Variants in EML6 observed in about 807,000 individuals in gnomAD.
EML6 encodes the protein EMAP like 6.
Under a neutral mutation model 240.1 loss-of-function variants are expected in EML6, and 154 were observed. The ratio of observed to expected loss-of-function variants is 0.64; its 90% confidence interval spans 0.56 to 0.73. The LOEUF (loss-of-function observed/expected upper bound fraction) is 0.73, where lower values mean the gene tolerates loss of function less well. Among genes scored for constraint, EML6 ranks in the 30% least tolerant of loss-of-function variants. The pLI is 0.00. For missense variants in EML6, 2,964 were observed against 2,474.6 expected, an observed-to-expected ratio of 1.20 and a Z score of -4.20; for synonymous variants, 1,148 against 899.0, an observed-to-expected ratio of 1.28 and a Z score of -4.95.
chr2:54,883,588 A>G (rs1283396239), intron 17 of EML6, among the ~76,000 whole-genome samples: 4 of 152,212 alleles, frequency 2.6e-5, no homozygotes, highest in African/African-American at 7.2e-5. Flanking sequence ...ATATGGCCCT[A>G]TGCGGTGAAT....
At chr2:54,881,462 C>T (rs1489296503) in intron 17 of EML6, 3 of 151,918 alleles carry the variant, frequency 2.0e-5, no homozygotes, top group African/African-American at 7.3e-5. Flanking sequence ...CGAGACCAGC[C>T]TGGCCAACAT....
At chr2:54,872,341 A>G (rs1027414517) in intron 16 of EML6, among the ~76,000 whole-genome samples, 1 of 152,232 alleles carries the variant, frequency 6.6e-6, no homozygotes, top group Non-Finnish European at 1.5e-5. Context: ...TGCTGATTTT[A>G]TAATTTTTTT....
intron 7 of EML6, among the ~76,000 whole-genome samples, chr2:54,842,898 T>G (rs1484282978): frequency 6.6e-6 from 1 of 152,210 alleles, no homozygotes; most frequent in African/African-American, 2.4e-5. Context: ...AAGAATAGTA[T>G]TTTCACTGAT....
At chr2:54,968,365 TGGGAGACACAGA>T in intron 40 of EML6, 84 bp downstream of exon 40, 1 of 1,283,496 alleles carries the variant, frequency 7.8e-7, no homozygotes, top group Non-Finnish European at 1.1e-6. Context: ...GATGGCCCTC[TGGGAGACACAGA>T]GAAACCCTGT....
chr2:54,834,438 G>C (rs73935670), intron 7 of EML6, among the ~76,000 whole-genome samples: 3 of 152,084 alleles, frequency 2.0e-5, no homozygotes, highest in African/African-American at 7.3e-5. Context: ...GGTTATAAAT[G>C]ATTCTGTCTA....
chr2:54,835,002 C>T (rs554528215), intron 7 of EML6, among the ~76,000 whole-genome samples: 17 of 152,326 alleles, frequency 1.1e-4, no homozygotes, highest in African/African-American at 3.8e-4. Flanking sequence ...GCAGCCACCA[C>T]CCTCCGCATT....
chr2:54,758,112 G>T, intron 2 of EML6, among the ~76,000 whole-genome samples: 2 of 138,728 alleles, frequency 1.4e-5, no homozygotes, highest in Admixed American at 7.0e-5. Flanking sequence ...TTCTGTTCTC[G>T]TATGCATTAT....
At chr2:54,731,163 C>G (rs1430035272) in intron 2 of EML6, among the ~76,000 whole-genome samples, 1 of 152,166 alleles carries the variant, frequency 6.6e-6, no homozygotes, top group Non-Finnish European at 1.5e-5. Flanking sequence ...TGGGAAGAAA[C>G]TTAATGTGCC....
intron 28 of EML6, among the ~76,000 whole-genome samples, chr2:54,942,084 C>T (rs1401794190): frequency 6.6e-6 from 1 of 152,146 alleles, no homozygotes; most frequent in African/African-American, 2.4e-5. Flanking sequence ...ATTCAAACCC[C>T]TTGATTTTCT....
intron 26 of EML6, 136 bp downstream of exon 26, chr2:54,917,071 C>T (rs550989911): frequency 1.1e-5 from 7 of 637,982 alleles, no homozygotes; most frequent in African/African-American, 9.1e-5. Flanking sequence ...TGTATAAAAA[C>T]CTCCCTGACA....
intron 34 of EML6, among the ~76,000 whole-genome samples, chr2:54,959,516 C>G (rs1018465214): frequency 6.6e-6 from 1 of 152,134 alleles, no homozygotes; most frequent in East Asian, 1.9e-4. Flanking sequence ...AATCTCAGCA[C>G]TTTGGGAGGC....
Position 54,829,343 on chromosome 2 carries a change from C to G in EML6, c.713C>G (p.Ala238Gly). The change falls in exon 7 of 42, where the codon GCT (alanine) becomes GGT (glycine). Residue 238 changes from alanine to glycine, a missense_variant and splice_region_variant. By Grantham distance (60) the Ala-to-Gly change is moderately conservative. Transcript: ENST00000356458. ...AGTATTACCTGTTTTAATCAACAGG[C>G]TGGAATCTTTAGCATGTATGCTTGT... ...LVRTIQGAHSAGIFSMYACEE... is the reference protein window; with the variant it reads ...LVRTIQGAHSGGIFSMYACEE... The G allele has an allele frequency of 1.9e-6, 3 of 1,551,308 alleles. No individual in the cohort carries two copies. Among genetic ancestry groups the G allele is most frequent in the Non-Finnish European group, 2.6e-6 (3 of 1,146,742 alleles).
At chr2:54,766,708 A>G (rs1464623509) in intron 2 of EML6, among the ~76,000 whole-genome samples, 3 of 152,160 alleles carry the variant, frequency 2.0e-5, no homozygotes, top group African/African-American at 7.2e-5. Flanking sequence ...ACTTTCACAC[A>G]GGAGTTTTAG....
chr2:54,903,255 G>T (rs1673154764), intron 23 of EML6, 59 bp downstream of exon 23: 1 of 1,526,446 alleles, frequency 6.6e-7, no homozygotes, highest in Non-Finnish European at 8.9e-7. Flanking sequence ...AAAATTACAA[G>T]AATGAACTAT....
At chr2:54,878,543 T>A (rs909961528) in intron 16 of EML6, among the ~76,000 whole-genome samples, 2 of 152,230 alleles carry the variant, frequency 1.3e-5, no homozygotes, top group Admixed American at 6.5e-5. Context: ...TTAAGTGTTT[T>A]TATTTGAAAT....
chr2:54,777,546 T>C (rs1465403151), intron 2 of EML6, among the ~76,000 whole-genome samples: 1 of 152,222 alleles, frequency 6.6e-6, no homozygotes, highest in Non-Finnish European at 1.5e-5. Context: ...ATGATCTTGC[T>C]TTGGAAAGGG....
At chr2:54,879,513 A>G in intron 16 of EML6, 34 bp from the exon 17 acceptor site, 1 of 1,430,252 alleles carries the variant, frequency 7.0e-7, no homozygotes, top group Admixed American at 2.0e-5. Flanking sequence ...TTTTTCATGG[A>G]AGAAATTTTG....
chr2:54,811,547 T>G (rs1201027923), intron 2 of EML6, among the ~76,000 whole-genome samples: 3 of 152,156 alleles, frequency 2.0e-5, no homozygotes, highest in African/African-American at 7.2e-5. Flanking sequence ...CATGTCTCTT[T>G]CCTCTGAAAG....
chr2:54,942,293 T>G (rs1178792743), intron 28 of EML6, among the ~76,000 whole-genome samples: 1 of 152,202 alleles, frequency 6.6e-6, no homozygotes, highest in African/African-American at 2.4e-5. Flanking sequence ...AATCATCAAA[T>G]CAAACCTACT....
Sources: gnomAD v4.1 joint callset for allele counts (sites outside exome capture counted in the v4.1 genomes callset) on GRCh38, gnomAD v4.1.1 for gene constraint, MANE v1.5 for transcripts, NCBI Gene and HGNC (gene_info 2026-07-23, HGNC 2026-07-21) for gene names.